The following MESD variants were observed in gnomAD, a reference collection of about 807,000 sequenced individuals.
MESD encodes the protein LRP chaperone MESD.
In MESD, 7 loss-of-function variants were observed where a neutral mutation model predicts 12.9. The ratio of observed to expected loss-of-function variants is 0.54; its 90% CI spans 0.31 to 1.02. The LOEUF is 1.02. Ranked by LOEUF, MESD falls within the 50% of genes least tolerant of loss-of-function variation. MESD has a pLI of 0.05. For missense variants in MESD, 342 were observed against 296.7 expected (o/e 1.15, Z -1.12); for synonymous variants, 126 against 115.6 (o/e 1.09, Z -0.58).
exon 4 of MESD, chr15:80,952,136 G>A (rs1490320417): frequency 6.6e-6 from 3 of 454,922 alleles, no homozygotes; most frequent in Admixed American, 2.4e-5. Context: ...GGCAGAAGCA[G>A]GACTCTCTTT....
At chr15:80,952,582 T>C (rs1901868807) in intron 3 of MESD, among the ~76,000 whole-genome samples, 1 of 152,062 alleles carries the variant, frequency 6.6e-6, no homozygotes, top group Non-Finnish European at 1.5e-5. Context: ...TCCTGGGTCT[T>C]ATGCATTGGG....
chr15:80,961,796 A>G lies in MESD; in HGVS notation c.*289-9500T>C, dbSNP rs188452806. The stretch of plus-strand genomic sequence containing the variant: ...ATTATAGACAAGCAAATGCTGAGAG[A>G]TTTTGTCACCACCAGGCCTGCCTTA... On this transcript the variant is annotated intron_variant, in intron 3 of 4. Coordinates refer to the MESD transcript ENST00000561312. 4.7e-4 allele frequency among the ~76,000 whole-genome samples: 72 copies of G among 152,316 alleles called. No individual in the cohort carries two copies. In the East Asian group the frequency reaches 0.011, roughly 24 times the overall value.
downstream of MESD, chr15:80,946,987 A>C (rs1387360110): frequency 6.2e-7 from 1 of 1,613,670 alleles, no homozygotes; most frequent in East Asian, 2.2e-5. Flanking sequence ...TATGGCATCA[A>C]AGGGAAGATA....
Position 80,951,725 on chromosome 15 carries a change from T to G in MESD, c.*626+234A>C, listed in dbSNP as rs1373247156. On this transcript the variant is annotated intron_variant, in intron 4 of 4. Coordinates refer to the MESD transcript ENST00000561312. ...CTAGAGCCAAGGAAATTGGCTCTGGTTTGGAAAAATTTTGCTGTTATTATA... is the reference window on the plus strand; with the variant it reads ...CTAGAGCCAAGGAAATTGGCTCTGGGTTGGAAAAATTTTGCTGTTATTATA... 3 of 153,098 alleles carry G rather than the reference T, an allele frequency of 2.0e-5. No homozygotes were observed. In the East Asian group the frequency reaches 5.7e-4, roughly 29 times the overall value. The allele number at this position is 153,098 out of a possible 1,614,324, so 9.5% of individuals were successfully genotyped here.
At chr15:80,981,690 T>C (rs994375423) in intron 2 of MESD, among the ~76,000 whole-genome samples, 5 of 151,502 alleles carry the variant, frequency 3.3e-5, no homozygotes, top group African/African-American at 9.7e-5. Context: ...ACCCTGTCTC[T>C]ACTAAAAATA....
intron 3 of MESD, among the ~76,000 whole-genome samples, chr15:80,961,975 A>G (rs756550269): frequency 2.6e-5 from 4 of 152,252 alleles, no homozygotes; most frequent in South Asian, 2.1e-4. Context: ...AACAGGATCA[A>G]ATTCACACAT....
intron 3 of MESD, among the ~76,000 whole-genome samples, chr15:80,957,759 C>T (rs1411003870): frequency 6.6e-6 from 1 of 152,200 alleles, no homozygotes; most frequent in Non-Finnish European, 1.5e-5. Context: ...GCCAATGTTT[C>T]AGCTCAGCCC....
chr15:80,963,580 A>G (rs1902125328), intron 3 of MESD, among the ~76,000 whole-genome samples: 1 of 152,254 alleles, frequency 6.6e-6, no homozygotes, highest in South Asian at 2.1e-4. Flanking sequence ...AAAATCCTCA[A>G]TAAAATACTG....
chr15:80,966,500 C>T (rs1022888403), intron 3 of MESD, among the ~76,000 whole-genome samples: 2 of 152,184 alleles, frequency 1.3e-5, no homozygotes, highest in Admixed American at 1.3e-4. Flanking sequence ...ACAGAGAGAC[C>T]TGAGAGCTCA....
intron 3 of MESD, chr15:80,953,186 A>C: frequency 2.3e-6 from 1 of 430,254 alleles, no homozygotes; most frequent in Non-Finnish European, 4.7e-6. Flanking sequence ...TGGGCCAAAC[A>C]CAGGGTCAGC....
chr15:80,952,796 C>T lies in MESD; in HGVS notation c.*289-500G>A, dbSNP rs183552733. The T allele has an allele frequency of 1.1e-5, 4 of 364,804 alleles. No individual in the cohort carries two copies. In the East Asian group the frequency reaches 2.2e-4, roughly 20 times the overall value. 22.6% of individuals were successfully genotyped at this position (364,804 alleles called of 1,614,324 possible). On this transcript the variant is annotated intron_variant, in intron 3 of 4. Coordinates refer to the MESD transcript ENST00000561312. Reference sequence around the variant, plus strand: ...AGCTGTGCAGTAGAGAGTACACGGCCTCTACCTTCAGGAAACTTTGCCAGG... The same window carrying T: ...AGCTGTGCAGTAGAGAGTACACGGCTTCTACCTTCAGGAAACTTTGCCAGG...
Position 80,989,817 on chromosome 15 carries a change from G to T in MESD, c.-26C>A. The T allele has an allele frequency of 6.5e-7, 1 of 1,542,348 alleles. No homozygotes were observed. Among genetic ancestry groups the T allele is most frequent in the Non-Finnish European group, 8.7e-7 (1 of 1,149,962 alleles). ...TTTCGCTGCGCCGCGCAGCGCCCTA[G>T]ACGCGCTTACCCGACCTGCGCGGGC... On this transcript the variant is annotated 5_prime_UTR_variant, in exon 1 of 3. Coordinates refer to ENST00000261758, the MANE Select transcript of MESD (RefSeq NM_015154.3).
intron 3 of MESD, among the ~76,000 whole-genome samples, chr15:80,954,518 G>A (rs537202635): frequency 6.6e-6 from 1 of 152,280 alleles, no homozygotes; most frequent in African/African-American, 2.4e-5. Context: ...GCTTAATCCT[G>A]GGAGGATCAA....
chr15:80,989,483 G>C (rs1893235554), intron 1 of MESD, 96 bp downstream of exon 1: 19 of 1,375,508 alleles, frequency 1.4e-5, no homozygotes, highest in Non-Finnish European at 1.7e-5. Flanking sequence ...AGGAGGTTAG[G>C]GGGTCAGAAA....
intron 3 of MESD, among the ~76,000 whole-genome samples, chr15:80,964,536 G>A (rs571254173): frequency 2.6e-5 from 4 of 152,276 alleles, no homozygotes; most frequent in Admixed American, 2.0e-4. Context: ...GAACAAAGCT[G>A]GAGGCATCAT....
chr15:80,987,346 A>C (rs955191205), intron 1 of MESD, among the ~76,000 whole-genome samples: 1 of 152,214 alleles, frequency 6.6e-6, no homozygotes, highest in African/African-American at 2.4e-5. Context: ...ACTGGGGAAG[A>C]GTCCTCATGT....
chr15:80,950,754 A>T (rs1162336597), intron 4 of MESD: 1 of 152,800 alleles, frequency 6.5e-6, no homozygotes, highest in Non-Finnish European at 1.5e-5. Flanking sequence ...TAGAGAGCCC[A>T]AAGAGCTCCT....
chr15:80,968,662 AAAAG>A (rs1424554713), intron 3 of MESD, among the ~76,000 whole-genome samples: 2 of 151,896 alleles, frequency 1.3e-5, no homozygotes, highest in Non-Finnish European at 2.9e-5. Flanking sequence ...AATAAAATAA[AAAAG>A]AAAGCTGTGT....
chr15:80,988,250 A>G (rs1434176031), intron 1 of MESD, among the ~76,000 whole-genome samples: 1 of 152,232 alleles, frequency 6.6e-6, no homozygotes, highest in Non-Finnish European at 1.5e-5. Context: ...GAAAATAGGG[A>G]TAAGTACCTC....
Sources: gnomAD v4.1 joint callset for allele counts (sites outside exome capture counted in the v4.1 genomes callset) on GRCh38, gnomAD v4.1.1 for gene constraint, MANE v1.5 for transcripts, NCBI Gene and HGNC (gene_info 2026-07-23, HGNC 2026-07-21) for gene names.